PHF24: variants seen among roughly 807,000 people sequenced by gnomAD.
PHF24 encodes the protein Galpha inhibitory interacting protein.
PHF24 carries 25 observed loss-of-function variants against 42.6 expected under a neutral mutation model. The observed-to-expected ratio is 0.59, with a 90% CI of 0.43 to 0.82. The LOEUF is 0.82. PHF24 is among the 40% of genes least tolerant of loss of function. The probability of loss-of-function intolerance (pLI) is 0.00; values close to 1 mark genes in which losing one functional copy is unlikely to be tolerated. For synonymous variants in PHF24, 185 were observed against 204.8 expected, an observed-to-expected ratio of 0.90 and a Z score of 0.83; for missense variants, 470 against 538.1, an observed-to-expected ratio of 0.87 and a Z score of 1.25.
the PHF24 span, among the ~76,000 whole-genome samples, chr9:34,869,785 A>G: frequency 6.6e-6 from 1 of 152,076 alleles, no homozygotes; most frequent in Non-Finnish European, 1.5e-5. Flanking sequence ...CATTTTCTTT[A>G]GTTTATATAG....
At chr9:34,891,788 G>T in the PHF24 span, among the ~76,000 whole-genome samples, 1 of 152,164 alleles carries the variant, frequency 6.6e-6, no homozygotes, top group African/African-American at 2.4e-5. Context: ...GGCTTACATT[G>T]TATGATTTCC....
the PHF24 span, among the ~76,000 whole-genome samples, chr9:34,881,727 C>T: frequency 6.6e-6 from 1 of 152,026 alleles, no homozygotes; most frequent in Non-Finnish European, 1.5e-5. Flanking sequence ...TAATAGCCTA[C>T]CAACCAAAAA....
chr9:34,846,809 T>G, the PHF24 span, among the ~76,000 whole-genome samples: 3 of 152,226 alleles, frequency 2.0e-5, no homozygotes, highest in African/African-American at 7.2e-5. Flanking sequence ...GTTTCAGCTT[T>G]CTACATATGG....
chr9:34,897,088 A>G, the PHF24 span, among the ~76,000 whole-genome samples: 2 of 151,646 alleles, frequency 1.3e-5, no homozygotes, highest in South Asian at 2.1e-4. Context: ...CCCAGGAGGC[A>G]GAAGTTGCAG....
the PHF24 span, among the ~76,000 whole-genome samples, chr9:34,792,283 T>A: frequency 6.6e-6 from 1 of 152,170 alleles, no homozygotes; most frequent in Non-Finnish European, 1.5e-5. Context: ...TGTGGTTATG[T>A]TCAGATGATT....
chr9:34,879,398 GT>G, the PHF24 span, among the ~76,000 whole-genome samples: 1 of 152,090 alleles, frequency 6.6e-6, no homozygotes, highest in Non-Finnish European at 1.5e-5. Flanking sequence ...CAGATGATAG[GT>G]AATAACAAAC....
the PHF24 span, among the ~76,000 whole-genome samples, chr9:34,937,183 T>C: frequency 3.3e-5 from 5 of 152,118 alleles, no homozygotes; most frequent in African/African-American, 9.7e-5. Flanking sequence ...GCCATGATGA[T>C]AATGGCGGTT....
chr9:34,728,158 C>A, the PHF24 span: 1 of 1,324,642 alleles, frequency 7.5e-7, no homozygotes, highest in Non-Finnish European at 1.0e-6. Context: ...AATAGTAAGG[C>A]CTTTGACTCT....
the PHF24 span, among the ~76,000 whole-genome samples, chr9:34,786,059 T>C: frequency 1.3e-5 from 2 of 152,154 alleles, no homozygotes; most frequent in Non-Finnish European, 1.5e-5. Context: ...ATCTCCAACC[T>C]CTAGCACAGG....
At chr9:34,915,061 T>C in the PHF24 span, among the ~76,000 whole-genome samples, 98,087 of 107,302 alleles carry the variant, frequency 0.91, 44,873 homozygotes, top group Middle Eastern at 0.93. Context: ...GAGACAGGGT[T>C]TTACTTTGTC....
chr9:34,739,424 C>A, the PHF24 span, among the ~76,000 whole-genome samples: 210 of 152,268 alleles, frequency 1.4e-3, 1 homozygote, highest in African/African-American at 4.7e-3. Flanking sequence ...AATAGATAAA[C>A]TCATATATTT....
the PHF24 span, among the ~76,000 whole-genome samples, chr9:34,693,082 T>G: frequency 6.6e-6 from 1 of 152,232 alleles, no homozygotes; most frequent in African/African-American, 2.4e-5. Context: ...ATTACAGGCG[T>G]GAGCCACCGT....
chr9:34,950,351 C>CAAAAAAAAAAAAAAAAAAAAA, the PHF24 span, among the ~76,000 whole-genome samples: 3 of 68,268 alleles, frequency 4.4e-5, no homozygotes, highest in South Asian at 1.8e-3. Context: ...GACTCTGTCT[C>CAAAAAAAAAAAAAAAAAAAAA]AAAAAAAAAA....
At chr9:34,750,695 A>C in the PHF24 span, among the ~76,000 whole-genome samples, 2 of 152,038 alleles carry the variant, frequency 1.3e-5, no homozygotes, top group Non-Finnish European at 2.9e-5. Flanking sequence ...AGAAAAACAT[A>C]CAATAGATAC....
the PHF24 span, among the ~76,000 whole-genome samples, chr9:34,735,275 A>G: frequency 2.0e-5 from 3 of 149,986 alleles, no homozygotes; most frequent in African/African-American, 7.3e-5. Flanking sequence ...AGCTGGGATT[A>G]CAGGCGCCCG....
chr9:34,875,964 T>A, the PHF24 span, among the ~76,000 whole-genome samples: 16,967 of 64,782 alleles, frequency 0.26, 978 homozygotes, highest in African/African-American at 0.27. Context: ...TCTCTCTCTC[T>A]CTCTCTCTCT....
the PHF24 span, among the ~76,000 whole-genome samples, chr9:34,931,055 G>T: frequency 2.0e-5 from 3 of 152,094 alleles, no homozygotes; most frequent in African/African-American, 7.2e-5. Context: ...ATGAGATGTG[G>T]TTGTTTAAAA....
the PHF24 span, among the ~76,000 whole-genome samples, chr9:34,819,176 C>G: frequency 6.6e-6 from 1 of 151,972 alleles, no homozygotes; most frequent in Admixed American, 6.6e-5. Flanking sequence ...TGTGTCTTCT[C>G]TCTTTTTTAC....
chr9:34,959,909 G>A (rs954895296), intron 1 of PHF24, among the ~76,000 whole-genome samples: 1 of 152,206 alleles, frequency 6.6e-6, no homozygotes, highest in Non-Finnish European at 1.5e-5. Context: ...GTGACCCTCT[G>A]ACTACATGCA....
Sources: allele counts gnomAD v4.1 joint callset (sites outside exome capture counted in the v4.1 genomes callset), GRCh38; gene constraint gnomAD v4.1.1; transcripts MANE v1.5; gene names NCBI Gene and HGNC (gene_info 2026-07-23, HGNC 2026-07-21).